Variants in CYP19A1 observed in about 807,000 individuals in gnomAD.
The protein encoded by CYP19A1 is aromatase.
A neutral mutation model predicts 44.4 loss-of-function variants in CYP19A1; 32 were observed. That is an observed-to-expected ratio of 0.72 (90% CI 0.54 to 0.97). The LOEUF is 0.97. Ranked by LOEUF, CYP19A1 falls within the 50% of genes least tolerant of loss-of-function variation. The pLI, the probability that CYP19A1 is intolerant of heterozygous loss-of-function variation, is 0.00. For missense variants in CYP19A1, 598 were observed against 637.8 expected (o/e 0.94, Z 0.67); for synonymous variants, 212 against 215.6 (o/e 0.98, Z 0.14).
At chr15:51,322,424 A>G (rs2036543415) in intron 1 of CYP19A1, among the ~76,000 whole-genome samples, 4 of 152,380 alleles carry the variant, frequency 2.6e-5, no homozygotes, top group South Asian at 2.1e-4. Flanking sequence ...TTTGTACACT[A>G]TATTTAGAGA....
At chr15:51,306,224 G>T (rs936430047) in intron 1 of CYP19A1, among the ~76,000 whole-genome samples, 1 of 152,090 alleles carries the variant, frequency 6.6e-6, no homozygotes, top group Non-Finnish European at 1.5e-5. Context: ...ACAGAGGTGA[G>T]GTGTACACAC....
chr15:51,227,988 T>G, intron 3 of CYP19A1, 55 bp from the exon 4 acceptor site: 1 of 935,954 alleles, frequency 1.1e-6, no homozygotes, highest in Admixed American at 1.7e-5. Flanking sequence ...GAACTCCTGG[T>G]GGTACATTTT....
At chr15:51,311,077 G>A (rs2036301707) in intron 1 of CYP19A1, among the ~76,000 whole-genome samples, 1 of 152,058 alleles carries the variant, frequency 6.6e-6, no homozygotes, top group African/African-American at 2.4e-5. Context: ...TATATGAAAT[G>A]TCCAGGAAAC....
chr15:51,215,843 T>C (rs760910371), intron 6 of CYP19A1, 26 bp from the exon 7 acceptor site: 1 of 1,612,518 alleles, frequency 6.2e-7, no homozygotes, highest in South Asian at 1.1e-5. Context: ...AAATATTGTC[T>C]ATTTTTACTC....
Position 51,215,959 on chromosome 15 carries a change from T to G in CYP19A1, c.744-142A>C. ...TATGAGTAAGTGAATTACTATTTTA[T>G]TTCTTCATAAATACCCTTAAATTAC... is the stretch of plus-strand genomic sequence containing the variant. On this transcript the variant is annotated intron_variant, in intron 6 of 9. Coordinates refer to ENST00000396402, the MANE Select transcript of CYP19A1 (RefSeq NM_000103.4). 3 of 1,454,562 alleles carry G rather than the reference T, an allele frequency of 2.1e-6. No homozygotes were observed. The South Asian group carries it at 3.9e-5, about 19-fold the overall frequency. The allele number at this position is 1,454,562 out of a possible 1,614,324, so 90.1% of individuals were successfully genotyped here.
At chr15:51,236,171 G>C (rs1396155909) in intron 3 of CYP19A1, among the ~76,000 whole-genome samples, 1 of 151,838 alleles carries the variant, frequency 6.6e-6, no homozygotes, top group Non-Finnish European at 1.5e-5. Flanking sequence ...CACTCCACCG[G>C]GATACTCGCA....
chr15:51,284,092 T>G (rs995964881), intron 1 of CYP19A1, among the ~76,000 whole-genome samples: 12 of 152,328 alleles, frequency 7.9e-5, no homozygotes, highest in African/African-American at 2.6e-4. Flanking sequence ...TATTAGTTCC[T>G]CAACTCTGTG....
intron 1 of CYP19A1, among the ~76,000 whole-genome samples, chr15:51,256,400 A>C (rs945678964): frequency 2.0e-5 from 3 of 152,230 alleles, no homozygotes; most frequent in Non-Finnish European, 2.9e-5. Context: ...TATTCAGCCC[A>C]CTGCTATGAC....
chr15:51,282,498 T>C (rs1047890337), intron 1 of CYP19A1, among the ~76,000 whole-genome samples: 1 of 152,194 alleles, frequency 6.6e-6, no homozygotes, highest in Non-Finnish European at 1.5e-5. Context: ...ACCCACACAT[T>C]CTCACCACCT....
At chr15:51,283,710 A>G (rs1350998143) in intron 1 of CYP19A1, among the ~76,000 whole-genome samples, 3 of 152,224 alleles carry the variant, frequency 2.0e-5, no homozygotes, top group Admixed American at 6.5e-5. Context: ...GTATGCCCCC[A>G]TTGTAAAAAA....
Position 51,236,979 on chromosome 15 carries a change from A to G in CYP19A1, c.176T>C (p.Leu59Pro). 1 of 1,614,168 alleles carries G rather than the reference A, an allele frequency of 6.2e-7. No homozygotes were observed. The highest frequency in any genetic ancestry group is 8.5e-7 in the Non-Finnish European group (1 of 1,180,026). Residue 59 changes from leucine to proline, a missense_variant, in exon 3 of 10, where the codon CTC (leucine) becomes CCC (proline). Transcript: ENST00000396402. ...CCACAGGAATCTGCCGTGGGAGATG[A>G]GGGGTCCAATTCCCATGCAGTAGCC... ...GPGYCMGIGP[L>P]ISHGRFLWMG...
chr15:51,222,144 A>C, intron 5 of CYP19A1: 1 of 836,898 alleles, frequency 1.2e-6, no homozygotes, highest in South Asian at 1.9e-5. Context: ...AAAGGCTAGT[A>C]GATGCTGGCC....
At chr15:51,218,676 C>T (rs1350409967) in intron 5 of CYP19A1, 21 bp from the exon 6 acceptor site, 1 of 1,601,614 alleles carries the variant, frequency 6.2e-7, no homozygotes, top group Non-Finnish European at 8.5e-7. Context: ...AAAAAACACA[C>T]ATACACAAGA....
rs200462242 is a variant in CYP19A1 at position 51,264,916 on chromosome 15, C to CA, written c.-38-21967dup. The stretch of plus-strand genomic sequence containing the variant: ...GGTTTCTGACACTCTGAAGGTTCTT[C>CA]AATGTATGTCACTTCAAAGTGCACA... On this transcript the variant is annotated intron_variant, in intron 1 of 9. Transcript: ENST00000396402. 3.3e-4 allele frequency among the ~76,000 whole-genome samples: 51 copies of CA among 152,304 alleles called. No homozygotes were observed. In the East Asian group the frequency reaches 9.6e-3, roughly 29 times the overall value.
At chr15:51,317,590 C>A (rs897542138) in intron 1 of CYP19A1, among the ~76,000 whole-genome samples, 4 of 152,184 alleles carry the variant, frequency 2.6e-5, no homozygotes, top group Non-Finnish European at 4.4e-5. Flanking sequence ...TTCACCCCCA[C>A]ACAGAATGCA....
intron 5 of CYP19A1, among the ~76,000 whole-genome samples, chr15:51,219,988 C>G (rs751351104): frequency 9.2e-5 from 14 of 152,184 alleles, no homozygotes; most frequent in Non-Finnish European, 2.1e-4. Flanking sequence ...GTGTCTCCAG[C>G]TCTTGTATGG....
At chr15:51,242,500 A>C (rs978571512) in intron 2 of CYP19A1, among the ~76,000 whole-genome samples, 4 of 152,124 alleles carry the variant, frequency 2.6e-5, no homozygotes, top group African/African-American at 9.7e-5. Context: ...AGCTTGTTTT[A>C]AAGGGTACTT....
At chr15:51,286,752 C>T (rs986636474) in intron 1 of CYP19A1, among the ~76,000 whole-genome samples, 12 of 152,154 alleles carry the variant, frequency 7.9e-5, no homozygotes, top group African/African-American at 2.9e-4. Context: ...TGCTTTGTAC[C>T]TGTGCAGCAA....
chr15:51,335,002 G>A (rs1209126189), intron 1 of CYP19A1, among the ~76,000 whole-genome samples: 1 of 152,154 alleles, frequency 6.6e-6, no homozygotes, highest in Non-Finnish European at 1.5e-5. Flanking sequence ...TTGCAGGGTT[G>A]GACTGTGCTG....
Sources: allele counts gnomAD v4.1 joint callset (sites outside exome capture counted in the v4.1 genomes callset), GRCh38; gene constraint gnomAD v4.1.1; transcripts MANE v1.5; gene names NCBI Gene and HGNC (gene_info 2026-07-23, HGNC 2026-07-21).